The following FGB variants were observed in gnomAD, a reference collection of about 807,000 sequenced individuals.
FGB encodes the protein beta-fibrinogen.
A neutral mutation model predicts 57.9 loss-of-function variants in FGB; 25 were observed. The ratio of observed to expected loss-of-function variants is 0.43; its 90% confidence interval spans 0.31 to 0.60. FGB has a LOEUF of 0.60. Ranked by LOEUF, FGB falls within the 20% of genes least tolerant of loss-of-function variation. FGB has a pLI of 0.08. For missense variants in FGB, 536 were observed against 598.4 expected (o/e 0.90, Z 1.09); for synonymous variants, 203 against 199.2 (o/e 1.02, Z -0.16).
intron 5 of FGB, 87 bp downstream of exon 5, chr4:154,568,581 C>A: frequency 3.9e-6 from 3 of 774,038 alleles, no homozygotes; most frequent in Non-Finnish European, 6.8e-6. Flanking sequence ...TGTGGTGGCT[C>A]ATACCTGTAA....
Position 154,570,998 on chromosome 4 carries a change from C to T in FGB, c.*348C>T, listed in dbSNP as rs1730401153. Reference sequence around the variant, plus strand: ...AAGGAAAAACTGATGTTTAAAAGTCCACTTTTAAAACTATATTTATTTATG... The same window carrying T: ...AAGGAAAAACTGATGTTTAAAAGTCTACTTTTAAAACTATATTTATTTATG... On this transcript the variant is annotated 3_prime_UTR_variant, in exon 8 of 8. Coordinates refer to ENST00000302068, the MANE Select transcript of FGB (RefSeq NM_005141.5). The T allele has an allele frequency of 2.9e-6, 1 of 346,062 alleles. No homozygotes were observed. Among genetic ancestry groups the T allele is most frequent in the Non-Finnish European group, 5.5e-6 (1 of 181,910 alleles). 21.4% of individuals were successfully genotyped at this position (346,062 alleles called of 1,614,324 possible). A position where few individuals can be genotyped will look rare whatever the true frequency, so the allele number is the denominator to read the frequency against.
Position 154,571,011 on chromosome 4 carries a change from A to T in FGB, c.*361A>T, listed in dbSNP as rs886059143. On this transcript the variant is annotated 3_prime_UTR_variant, in exon 8 of 8. Coordinates refer to ENST00000302068, the MANE Select transcript of FGB (RefSeq NM_005141.5). ...TGTTTAAAAGTCCACTTTTAAAACT[A>T]TATTTATTTATGTAGGATCTGTCAA... 9.1e-6 allele frequency: 3 copies of T among 330,912 alleles called. No individual in the cohort carries two copies. Among genetic ancestry groups the T allele is most frequent in the Non-Finnish European group, 1.2e-5 (2 of 173,002 alleles). The allele number at this position is 330,912 out of a possible 1,614,324, so 20.5% of individuals were successfully genotyped here. A position where few individuals can be genotyped will look rare whatever the true frequency, so the allele number is the denominator to read the frequency against.
chr4:154,569,565 C>G lies in FGB; in HGVS notation c.1010C>G (p.Pro337Arg). 6.2e-7 allele frequency: 1 copy of G among 1,613,838 alleles called. No individual in the cohort carries two copies. Reference sequence around the variant, plus strand: ...ATTAGCCAGCTTACCAGGATGGGACCCACAGAACTTTTGATAGAAATGGAG... The same window carrying G: ...ATTAGCCAGCTTACCAGGATGGGACGCACAGAACTTTTGATAGAAATGGAG... The part of the protein sequence containing the change: ...DKISQLTRMG[P>R]TELLIEMEDW... The change falls in exon 7 of 8, where the codon CCC becomes CGC. Residue 337 changes from proline to arginine, a missense_variant. Physicochemically the swap from Pro to Arg is moderately radical, Grantham distance 103. This residue lies in a region of FGB where 177 missense variants were observed against 193.7 expected (regional missense o/e 0.91). Coordinates refer to ENST00000302068, the MANE Select transcript of FGB (RefSeq NM_005141.5).
intron 1 of FGB, among the ~76,000 whole-genome samples, chr4:154,564,117 G>A (rs778622168): frequency 2.2e-4 from 34 of 151,900 alleles, no homozygotes; most frequent in Non-Finnish European, 4.6e-4. Context: ...TGTGTAAGAC[G>A]AAATTTTTGT....
rs751830311 is a variant in FGB, at chr4:154,570,638, C to T, written c.1464C>T (p.Phe488=). ...RKMSMKIRPF[F]PQQ Reference sequence around the variant, plus strand: ...TGAGTATGAAGATCAGGCCCTTCTTCCCACAGCAATAGTCCCCAATACGTA... The same window carrying T: ...TGAGTATGAAGATCAGGCCCTTCTTTCCACAGCAATAGTCCCCAATACGTA... The change falls in exon 8 of 8, where the codon TTC becomes TTT. Residue 488 remains phenylalanine, a synonymous_variant. Coordinates refer to ENST00000302068, the MANE Select transcript of FGB (RefSeq NM_005141.5). 6.2e-7 allele frequency: 1 copy of T among 1,613,390 alleles called. No homozygotes were observed. The highest frequency in any genetic ancestry group is 1.1e-5 in the South Asian group (1 of 91,060).
At position 154,572,659 on chromosome 4, in the gene FGB, A is replaced by G. The variant is rs1730475715; in HGVS notation, c.*2009A>G. Among the ~76,000 whole-genome samples, 1 of 152,202 alleles carries G rather than the reference A, an allele frequency of 6.6e-6. No individual in the cohort carries two copies. The highest frequency in any genetic ancestry group is 2.4e-5 in the African/African-American group (1 of 41,448). ...CATATTCTTCTTAGACCATACAGTC[A>G]TTCTCAGGGTATGCTTGAGTTAATG... On this transcript the variant is annotated 3_prime_UTR_variant, in exon 8 of 8. Coordinates refer to ENST00000302068, the MANE Select transcript of FGB (RefSeq NM_005141.5).
intron 3 of FGB, 103 bp downstream of exon 3, chr4:154,566,775 A>G (rs1730180181): frequency 8.7e-7 from 1 of 1,143,680 alleles, no homozygotes; most frequent in Non-Finnish European, 1.3e-6. Flanking sequence ...TTTCTGGGTT[A>G]GTGAATAGCA....
At chr4:154,565,619 G>A (rs192079115) in intron 1 of FGB, 189 bp from the exon 2 acceptor site, 1 of 610,026 alleles carries the variant, frequency 1.6e-6, no homozygotes, top group African/African-American at 1.9e-5. Flanking sequence ...TTTTTGTGCA[G>A]TTGGTCTTTC....
chr4:154,568,411 A>C lies in FGB; in HGVS notation c.749A>C (p.Glu250Ala), dbSNP rs759800033. The C allele has an allele frequency of 1.2e-6, 2 of 1,604,568 alleles. No homozygotes were observed. The highest frequency in any genetic ancestry group is 1.3e-5 in the African/African-American group (1 of 74,774). Reference sequence around the variant, plus strand: ...GAGGAAATTATCAGGAAAGGAGGTGAAACATCTGAAATGTATCTCATTCAA... The same window carrying C: ...GAGGAAATTATCAGGAAAGGAGGTGCAACATCTGAAATGTATCTCATTCAA... ...ECEEIIRKGGETSEMYLIQPD... is the reference protein window; with the variant it reads ...ECEEIIRKGGATSEMYLIQPD... The change falls in exon 5 of 8, where the codon GAA becomes GCA. Residue 250 changes from glutamate to alanine, a missense_variant. By Grantham distance (107) the Glu-to-Ala change is moderately radical. Transcript: ENST00000302068.
At chr4:154,563,183 A>G in intron 1 of FGB, 51 bp downstream of exon 1, 1 of 767,378 alleles carries the variant, frequency 1.3e-6, no homozygotes. Flanking sequence ...TTAATATAAG[A>G]TGTAACATAA....
At position 154,569,730 on chromosome 4, in the gene FGB, G is replaced by A. The variant is rs768192369; in HGVS notation, c.1175G>A (p.Gly392Glu). ...ATGGATGGAGCATCTCAGCTGATGG[G>A]AGAAAACAGGACCATGACCATTCAC... ...ALMDGASQLMGENRTMTIHNG... is the reference protein window; with the variant it reads ...ALMDGASQLMEENRTMTIHNG... The change falls in exon 7 of 8, where the codon GGA becomes GAA. Residue 392 changes from glycine (G) to glutamate (E), a missense_variant. Coordinates refer to ENST00000302068, the MANE Select transcript of FGB (RefSeq NM_005141.5). 1.9e-6 allele frequency: 3 copies of A among 1,614,020 alleles called. No homozygotes were observed. Among genetic ancestry groups the A allele is most frequent in the East Asian group, 2.2e-5 (1 of 44,892 alleles).
Position 154,572,296 on chromosome 4 carries a change from G to A in FGB, c.*1646G>A, listed in dbSNP as rs1184026370. ...AATCCTGCACATGTGTCATGCTGGA[G>A]CCCTATTGATTCCAACAGGGATGGC... On this transcript the variant is annotated 3_prime_UTR_variant, in exon 8 of 8. Coordinates refer to ENST00000302068, the MANE Select transcript of FGB (RefSeq NM_005141.5). Among the ~76,000 whole-genome samples, 1 of 152,146 alleles carries A rather than the reference G, an allele frequency of 6.6e-6. No individual in the cohort carries two copies. Among genetic ancestry groups the A allele is most frequent in the Non-Finnish European group, 1.5e-5 (1 of 68,034 alleles).
At position 154,564,819 on chromosome 4, in the gene FGB, T is replaced by C. The variant is rs1210231303; in HGVS notation, c.115-989T>C. 2.0e-5 allele frequency among the ~76,000 whole-genome samples: 3 copies of C among 152,148 alleles called. No homozygotes were observed. In the East Asian group the frequency reaches 5.8e-4, roughly 29 times the overall value. On this transcript the variant is annotated intron_variant, in intron 1 of 7. Transcript: ENST00000302068. ...CAAAACTTTCCTATTGCAATGCGTA[T>C]TTTCTGCTTCATTATCCTTTAATAT...
In FGB at chr4:154,566,545, G is replaced by C; in HGVS notation, c.363G>C (p.Arg121Ser). The change falls in exon 3 of 8, where the codon AGG (arginine) becomes AGC (serine). Residue 121 changes from arginine (R) to serine (S), a missense_variant. Physicochemically the swap from Arg to Ser is moderately radical, Grantham distance 110. Coordinates refer to ENST00000302068, the MANE Select transcript of FGB (RefSeq NM_005141.5). ...QLQEALLQQE[R>S]PIRNSVDELN... ...AAGAGGCTTTGCTACAACAGGAAAG[G>C]CCAATCAGAAATAGTGTTGATGAGT... The C allele has an allele frequency of 6.2e-7, 1 of 1,614,108 alleles. No individual in the cohort carries two copies. Among genetic ancestry groups the C allele is most frequent in the Non-Finnish European group, 8.5e-7 (1 of 1,180,022 alleles).
At chr4:154,567,395 A>G (rs534384720) in intron 3 of FGB, among the ~76,000 whole-genome samples, 198 bp from the exon 4 acceptor site, 1 of 152,296 alleles carries the variant, frequency 6.6e-6, no homozygotes, top group African/African-American at 2.4e-5. Flanking sequence ...AATTACTAGT[A>G]TGGTGGTTAG....
At position 154,567,675 on chromosome 4, in the gene FGB, C is replaced by G; in HGVS notation, c.573C>G (p.Ile191Met). 1 of 1,613,568 alleles carries G rather than the reference C, an allele frequency of 6.2e-7. No individual in the cohort carries two copies. The highest frequency in any genetic ancestry group is 8.5e-7 in the Non-Finnish European group (1 of 1,179,536). ...TAGATGAGACTGTGAATAGCAATAT[C>G]CCAACTAACCTTCGTGTGCTTCGTT... ...LYIDETVNSN[I>M]PTNLRVLRSI... The change falls in exon 4 of 8, where the codon ATC (isoleucine) becomes ATG (methionine). Residue 191 changes from isoleucine to methionine, a missense_variant. Ile to Met is a conservative substitution (Grantham distance 10). Transcript: ENST00000302068.
At chr4:154,563,501 G>A (rs1359945355) in intron 1 of FGB, among the ~76,000 whole-genome samples, 1 of 151,734 alleles carries the variant, frequency 6.6e-6, no homozygotes, top group African/African-American at 2.4e-5. Flanking sequence ...TAAAAGAGCA[G>A]AATTTTAAGA....
chr4:154,566,821 C>T (rs1463462039), intron 3 of FGB, 149 bp downstream of exon 3: 3 of 732,468 alleles, frequency 4.1e-6, no homozygotes, highest in Non-Finnish European at 7.2e-6. Flanking sequence ...CTGCAACTTG[C>T]CAGATAAGCA....
rs1730226269 is a variant in FGB, at chr4:154,567,793, T to G, written c.691T>G (p.Cys231Gly). 6.2e-7 allele frequency: 1 copy of G among 1,613,602 alleles called. No homozygotes were observed. Among genetic ancestry groups the G allele is most frequent in the Non-Finnish European group, 8.5e-7 (1 of 1,179,694 alleles). The change falls in exon 4 of 8, where the codon TGC becomes GGC. Residue 231 changes from cysteine to glycine, a missense_variant. By Grantham distance (159) the Cys-to-Gly change is radical. This residue lies in a region of FGB where 354 missense variants were observed against 383.4 expected (regional missense o/e 0.92). Coordinates refer to ENST00000302068, the MANE Select transcript of FGB (RefSeq NM_005141.5). ...TTGTCGCACCCCATGCACTGTCAGT[T>G]GCAATATTCCTGTGGTGTCTGGCAA... ...EYCRTPCTVS[C>G]NIPVVSGKEC...
Sources: allele counts gnomAD v4.1 joint callset (sites outside exome capture counted in the v4.1 genomes callset), GRCh38; gene constraint gnomAD v4.1.1; regional missense constraint gnomAD v4.1.1; transcripts MANE v1.5; gene names NCBI Gene and HGNC (gene_info 2026-07-23, HGNC 2026-07-21).